The following PAPSS2 variants were observed in gnomAD, a reference collection of about 807,000 sequenced individuals.
The protein encoded by PAPSS2 is 3'-phosphoadenosine 5'-phosphosulfate synthase 2, also known as bifunctional 3'-phosphoadenosine 5'-phosphosulfate synthase 2.
In PAPSS2, 61 loss-of-function variants were observed where a neutral mutation model predicts 66.5. The ratio of observed to expected loss-of-function variants is 0.92; its 90% CI spans 0.75 to 1.14. The LOEUF (loss-of-function observed/expected upper bound fraction) is 1.14. Among genes scored for constraint, PAPSS2 ranks in the 50% most tolerant of loss-of-function variants. The pLI, the probability that PAPSS2 is intolerant of heterozygous loss-of-function variation, is 0.00. For missense variants in PAPSS2, 708 were observed against 789.6 expected (o/e 0.90, Z 1.24); for synonymous variants, 289 against 287.5 (o/e 1.01, Z -0.05).
rs1211499644 is a variant in PAPSS2, at chr10:87,746,135, A to G, written c.*165A>G. ...AAAAAAAATATATATATATACACAC[A>G]CACATATACATACAAAGTCAAACTG... On this transcript the variant is annotated 3_prime_UTR_variant, in exon 13 of 13. Coordinates refer to ENST00000456849, the MANE Select transcript of PAPSS2 (RefSeq NM_001015880.2). 2 of 531,014 alleles carry G rather than the reference A, an allele frequency of 3.8e-6. No homozygotes were observed. Among genetic ancestry groups the G allele is most frequent in the Admixed American group, 3.4e-5 (1 of 29,388 alleles). The allele number at this position is 531,014 out of a possible 1,614,324, so 32.9% of individuals were successfully genotyped here. A position where few individuals can be genotyped will look rare whatever the true frequency, so the allele number is the denominator to read the frequency against.
intron 9 of PAPSS2, among the ~76,000 whole-genome samples, chr10:87,728,144 G>T (rs1279971205): frequency 2.6e-5 from 4 of 152,102 alleles, no homozygotes; most frequent in African/African-American, 9.7e-5. Context: ...TTCCTTCACA[G>T]CTTCTAATTA....
At position 87,743,408 on chromosome 10, in the gene PAPSS2, C is replaced by G; in HGVS notation, c.1258C>G (p.His420Asp). The change falls in exon 11 of 13, where the codon CAC becomes GAC. Residue 420 changes from histidine to aspartate, a missense_variant. Coordinates refer to ENST00000456849, the MANE Select transcript of PAPSS2 (RefSeq NM_001015880.2). ...VFAFQLRNPV[H>D]NGHALLMQDT... is the part of the protein sequence containing the mutation. ...TGCATTCCAGTTGCGCAATCCTGTC[C>G]ACAATGGCCATGCCCTGTTGATGCA... is the stretch of plus-strand genomic sequence containing the variant. 1.2e-6 allele frequency: 2 copies of G among 1,614,112 alleles called. No individual in the cohort carries two copies. The highest frequency in any genetic ancestry group is 2.2e-5 in the South Asian group (2 of 91,078).
At chr10:87,681,543 A>C (rs1853021499) in intron 1 of PAPSS2, among the ~76,000 whole-genome samples, 1 of 152,224 alleles carries the variant, frequency 6.6e-6, no homozygotes, top group African/African-American at 2.4e-5. Flanking sequence ...AAACAGCTTT[A>C]TTGAGAAATA....
intron 1 of PAPSS2, chr10:87,704,041 A>C (rs752659755): frequency 8.0e-6 from 4 of 501,022 alleles, no homozygotes; most frequent in South Asian, 5.8e-5. Flanking sequence ...CAAGAAAAAG[A>C]AAAGTTTTTG....
intron 2 of PAPSS2, 109 bp from the exon 3 acceptor site, chr10:87,712,966 T>C: frequency 3.2e-6 from 1 of 315,478 alleles, no homozygotes; most frequent in South Asian, 4.4e-5. Context: ...CTTTCTTTCT[T>C]TTTTTTTTTT....
intron 1 of PAPSS2, among the ~76,000 whole-genome samples, chr10:87,667,907 A>C (rs920440023): frequency 5.3e-5 from 8 of 152,154 alleles, no homozygotes; most frequent in Non-Finnish European, 1.2e-4. Flanking sequence ...TTTATTATTG[A>C]TTTATTATGA....
At chr10:87,739,189 G>C (rs530398056) in intron 9 of PAPSS2, among the ~76,000 whole-genome samples, 15 of 152,220 alleles carry the variant, frequency 9.9e-5, no homozygotes, top group Admixed American at 4.6e-4. Context: ...TTTGTATGTG[G>C]TGTAAGATAA....
intron 10 of PAPSS2, among the ~76,000 whole-genome samples, chr10:87,742,580 A>G (rs1331304210): frequency 1.3e-5 from 2 of 152,216 alleles, no homozygotes; most frequent in Admixed American, 1.3e-4. Context: ...TTATTTCATT[A>G]TCAGAAAAAA....
At position 87,745,046 on chromosome 10, in the gene PAPSS2, C is replaced by G; in HGVS notation, c.1536C>G (p.Phe512Leu). Residue 512 changes from phenylalanine to leucine, a missense_variant, in exon 12 of 13, where the codon TTC (phenylalanine) becomes TTG (leucine). Phe to Leu is a conservative substitution (Grantham distance 22, BLOSUM62 0). Coordinates refer to ENST00000456849, the MANE Select transcript of PAPSS2 (RefSeq NM_001015880.2). The part of the protein sequence containing the change: ...CRSRMIAGAN[F>L]YIVGRDPAGM... ...CCCGGATGATTGCGGGTGCCAATTT[C>G]TACATTGTGGGGAGGGACCCTGCAG... 6.2e-7 allele frequency: 1 copy of G among 1,614,130 alleles called. No individual in the cohort carries two copies. Among genetic ancestry groups the G allele is most frequent in the Non-Finnish European group, 8.5e-7 (1 of 1,179,994 alleles).
rs74902677 is a variant in PAPSS2, at chr10:87,663,252, C to T, written c.27+3244C>T. On this transcript the variant is annotated intron_variant, in intron 1 of 12. Transcript: ENST00000456849. ...TCAGCCTCCCGAGTAGCTGGCACTA[C>T]TGGTGTGTACCACCACGCCCAGCTA... Among the ~76,000 whole-genome samples, 310 of 152,064 alleles carry T rather than the reference C, an allele frequency of 2.0e-3. 2 individuals carry two copies. The highest frequency in any genetic ancestry group is 7.0e-3 in the African/African-American group (290 of 41,458).
chr10:87,709,561 T>C (rs2131931893), intron 2 of PAPSS2, among the ~76,000 whole-genome samples: 1 of 152,266 alleles, frequency 6.6e-6, no homozygotes, highest in South Asian at 2.1e-4. Context: ...TTTTCTCCTC[T>C]TTGGCAGGAA....
chr10:87,724,200 C>T (rs1289031339), intron 8 of PAPSS2, among the ~76,000 whole-genome samples: 2 of 151,242 alleles, frequency 1.3e-5, no homozygotes, highest in Admixed American at 6.6e-5. Context: ...CTTTAAGCCC[C>T]AGACTGAAAA....
chr10:87,700,581 C>T (rs952700995), intron 1 of PAPSS2, among the ~76,000 whole-genome samples: 2 of 150,526 alleles, frequency 1.3e-5, no homozygotes, highest in South Asian at 2.1e-4. Context: ...TCGCTTGAGC[C>T]GGAGACGTGG....
chr10:87,712,035 C>G (rs1853468401), intron 2 of PAPSS2, among the ~76,000 whole-genome samples: 1 of 151,940 alleles, frequency 6.6e-6, no homozygotes, highest in Non-Finnish European at 1.5e-5. Context: ...GTTTCTTTCC[C>G]TTCTTATGTT....
chr10:87,709,240 T>C lies in PAPSS2; in HGVS notation c.72T>C (p.His24=), dbSNP rs749876121. 8.1e-6 allele frequency: 13 copies of C among 1,613,464 alleles called. No homozygotes were observed. Among genetic ancestry groups the C allele is most frequent in the African/African-American group, 2.7e-5 (2 of 75,018 alleles). ...CCAATGTAGTCTATCAGGCCCACCA[T>C]GTGAGCAGGAATAAGAGAGGGCAAG... ...KSTNVVYQAH[H]VSRNKRGQVV... is the part of the protein sequence containing the mutation. The change falls in exon 2 of 13, where the codon CAT becomes CAC. Residue 24 remains histidine, a synonymous_variant. Coordinates refer to ENST00000456849, the MANE Select transcript of PAPSS2 (RefSeq NM_001015880.2).
intron 1 of PAPSS2, among the ~76,000 whole-genome samples, chr10:87,692,976 T>A (rs7909295): frequency 0.056 from 8,544 of 152,258 alleles, 801 homozygotes; most frequent in African/African-American, 0.19. Flanking sequence ...TCATTTAATC[T>A]GTTTGAATAT....
At chr10:87,682,803 G>A (rs1853038571) in intron 1 of PAPSS2, among the ~76,000 whole-genome samples, 1 of 152,150 alleles carries the variant, frequency 6.6e-6, no homozygotes, top group African/African-American at 2.4e-5. Flanking sequence ...AAAAGAAGGA[G>A]CATGTAGAAA....
rs1564716827 is a variant in PAPSS2, at chr10:87,701,388, CTTTCTT to C, written c.28-7806_28-7801del. Among the ~76,000 whole-genome samples, 205 of 81,734 alleles carry C rather than the reference CTTTCTT, an allele frequency of 2.5e-3. 1 individual carries two copies. Among genetic ancestry groups the C allele is most frequent in the African/African-American group, 7.8e-3 (145 of 18,500 alleles). 53.6% of individuals were successfully genotyped at this position (81,734 alleles called of 152,430 possible). A position where few individuals can be genotyped will look rare whatever the true frequency, so the allele number is the denominator to read the frequency against. On this transcript the variant is annotated intron_variant, in intron 1 of 12. Coordinates refer to ENST00000456849, the MANE Select transcript of PAPSS2 (RefSeq NM_001015880.2). ...TCTTTCTTTCTTTCTTTCTTTCTTT[CTTTCTT>C]TCTCTTTCTTTCTCTCTCTCTCTCT...
At chr10:87,660,969 C>T (rs1280109222) in intron 1 of PAPSS2, 1 of 455,826 alleles carries the variant, frequency 2.2e-6, no homozygotes, top group South Asian at 1.5e-5. Context: ...TATCTTCAGC[C>T]ACCACCCTGC....
Sources: gnomAD v4.1 joint callset for allele counts (sites outside exome capture counted in the v4.1 genomes callset) on GRCh38, gnomAD v4.1.1 for gene constraint, MANE v1.5 for transcripts, NCBI Gene and HGNC (gene_info 2026-07-23, HGNC 2026-07-21) for gene names.